Variants in PDE6B observed in about 807,000 individuals in gnomAD.
The protein encoded by PDE6B is phosphodiesterase 6B.
In PDE6B, 106 loss-of-function variants were observed where a neutral mutation model predicts 109.0. That is an observed-to-expected ratio of 0.97 (90% CI 0.83 to 1.14). The LOEUF (loss-of-function observed/expected upper bound fraction) is 1.14. Among genes scored for constraint, PDE6B ranks in the 50% most tolerant of loss-of-function variants. The pLI, the probability that PDE6B is intolerant of heterozygous loss-of-function variation, is 0.00. For synonymous variants in PDE6B, 490 were observed against 471.3 expected (o/e 1.04, Z -0.51); for missense variants, 1,193 against 1,155.6 (o/e 1.03, Z -0.47).
intron 21 of PDE6B, 142 bp downstream of exon 21, chr4:668,148 A>T: frequency 2.5e-6 from 2 of 785,338 alleles, no homozygotes; most frequent in Non-Finnish European, 4.0e-6. Flanking sequence ...GCCACAGTGC[A>T]GGGAGAGAGG....
At chr4:634,332 G>T (rs913328823) in intron 1 of PDE6B, among the ~76,000 whole-genome samples, 1 of 152,192 alleles carries the variant, frequency 6.6e-6, no homozygotes, top group Admixed American at 6.5e-5. Context: ...AGGCGAGCAG[G>T]CAGGCTCAAC....
rs549150896 is a variant in PDE6B, at chr4:626,760, C to G, written c.468+666C>G. Among the ~76,000 whole-genome samples the G allele has an allele frequency of 1.8e-4, 27 of 152,330 alleles. No homozygotes were observed. The highest frequency in any genetic ancestry group is 6.8e-3 in the Middle Eastern group (2 of 294). On this transcript the variant is annotated intron_variant, in intron 1 of 21. Coordinates refer to ENST00000496514, the MANE Select transcript of PDE6B (RefSeq NM_000283.4). The surrounding 1 kb of genome is among the most constrained non-coding windows in gnomAD (Gnocchi z 4.6). Reference sequence around the variant, plus strand: ...GAAGGAGGGAAGGGCAGGGCCTGTTCATGCAAAGCCTGGGCTAGGGCAGAC... The same window carrying G: ...GAAGGAGGGAAGGGCAGGGCCTGTTGATGCAAAGCCTGGGCTAGGGCAGAC...
Position 664,653 on chromosome 4 carries a change from C to T in PDE6B, c.2130-228C>T, listed in dbSNP as rs1454421802. ...CAACATGGTGAAACCCCGTCTCTAC[C>T]GAAAATACAAAAATTAGCCGGGCGT... On this transcript the variant is annotated intron_variant, in intron 17 of 21. Transcript: ENST00000496514. 8.5e-5 allele frequency among the ~76,000 whole-genome samples: 13 copies of T among 152,090 alleles called. No homozygotes were observed. The South Asian group carries it at 1.7e-3, about 19-fold the overall frequency.
rs937043425 is a variant in PDE6B at position 663,546 on chromosome 4, C to T, written c.1921-224C>T. ...CCCTCCCTGCGCTCCCCGGTGGTGA[C>T]CTCTGAGGCCATCTGCGTCCCAAGC... is the stretch of plus-strand genomic sequence containing the variant. On this transcript the variant is annotated intron_variant, in intron 15 of 21. Transcript: ENST00000496514. This position sits in a 1 kb window ranked among gnomAD's most constrained non-coding sequence, Gnocchi z 4.0. Among the ~76,000 whole-genome samples the T allele has an allele frequency of 1.3e-5, 2 of 152,192 alleles. No individual in the cohort carries two copies. Among genetic ancestry groups the T allele is most frequent in the African/African-American group, 4.8e-5 (2 of 41,456 alleles).
chr4:666,757 G>T lies in PDE6B; in HGVS notation c.2352+143G>T. ...GGGATGCCAGTGCCAGCTTCGTGCC[G>T]CTCTTGAGTGGGGCAAATGGGGAGG... On this transcript the variant is annotated intron_variant, in intron 20 of 21. Coordinates refer to ENST00000496514, the MANE Select transcript of PDE6B (RefSeq NM_000283.4). The surrounding 1 kb of genome is among the most constrained non-coding windows in gnomAD (Gnocchi z 5.6). The T allele has an allele frequency of 1.5e-6, 1 of 688,128 alleles. No homozygotes were observed. The highest frequency in any genetic ancestry group is 2.7e-6 in the Non-Finnish European group (1 of 369,836). The allele number at this position is 688,128 out of a possible 1,614,324, so 42.6% of individuals were successfully genotyped here.
Position 662,755 on chromosome 4 carries a change from C to A in PDE6B, c.1832+137C>A. The stretch of plus-strand genomic sequence containing the variant: ...CCCGTACTCCAGCACTGTGGGAGGC[C>A]AAGGCGAGGGGATTGCTTGAGCCCA... On this transcript the variant is annotated intron_variant, in intron 14 of 21. Transcript: ENST00000496514. The surrounding 1 kb of genome is among the most constrained non-coding windows in gnomAD (Gnocchi z 4.3). The A allele has an allele frequency of 1.4e-6, 1 of 705,368 alleles. No individual in the cohort carries two copies. Among genetic ancestry groups the A allele is most frequent in the Non-Finnish European group, 2.6e-6 (1 of 389,192 alleles). 43.7% of individuals were successfully genotyped at this position (705,368 alleles called of 1,614,324 possible). A position where few individuals can be genotyped will look rare whatever the true frequency, so the allele number is the denominator to read the frequency against.
In PDE6B at chr4:670,656, T is replaced by G. The variant is rs1577318017; in HGVS notation, c.*549T>G. ...AAGGGTCCATGAACTCTGAAATCAC[T>G]GAGAACATTTGCAGCCACACATGTA... On this transcript the variant is annotated 3_prime_UTR_variant, in exon 22 of 22. Coordinates refer to ENST00000496514, the MANE Select transcript of PDE6B (RefSeq NM_000283.4). 5.8e-6 allele frequency: 1 copy of G among 172,300 alleles called. No homozygotes were observed. The highest frequency in any genetic ancestry group is 1.3e-5 in the Non-Finnish European group (1 of 78,896). The allele number at this position is 172,300 out of a possible 1,614,324, so 10.7% of individuals were successfully genotyped here. A position where few individuals can be genotyped will look rare whatever the true frequency, so the allele number is the denominator to read the frequency against.
chr4:631,334 G>A (rs901712150), intron 1 of PDE6B, among the ~76,000 whole-genome samples: 1 of 152,252 alleles, frequency 6.6e-6, no homozygotes, highest in African/African-American at 2.4e-5. Context: ...GGCAAGAGAA[G>A]TGAGGCTGAA....
In PDE6B at chr4:659,557, ATGTGTGCACATGTGGGTGTG is replaced by A. The variant is rs370365135; in HGVS notation, c.1467+558_1467+577del. On this transcript the variant is annotated intron_variant, in intron 11 of 21. Coordinates refer to ENST00000496514, the MANE Select transcript of PDE6B (RefSeq NM_000283.4). ...CGTGGGCGTCTGCACAGGTGTGTACATGTGTGCACATGTGGGTGTGTGTGTGCACATGTGGGTATGTGTGT... is the reference window on the plus strand; with the variant it reads ...CGTGGGCGTCTGCACAGGTGTGTACATGTGTGCACATGTGGGTATGTGTGT... Among the ~76,000 whole-genome samples, 68 of 150,806 alleles carry A rather than the reference ATGTGTGCACATGTGGGTGTG, an allele frequency of 4.5e-4. 1 individual carries two copies. The highest frequency in any genetic ancestry group is 1.4e-3 in the African/African-American group (58 of 40,748).
At chr4:647,743 C>T (rs920242693) in intron 3 of PDE6B, among the ~76,000 whole-genome samples, 1 of 152,006 alleles carries the variant, frequency 6.6e-6, no homozygotes, top group African/African-American at 2.4e-5. Flanking sequence ...ATCTAGTACA[C>T]AGCGGGAACC....
chr4:627,449 A>G (rs1242551918), intron 1 of PDE6B, among the ~76,000 whole-genome samples: 2 of 152,124 alleles, frequency 1.3e-5, no homozygotes, highest in Admixed American at 6.5e-5. Context: ...CCAGGCCGGA[A>G]GTGGCAATCC....
Position 666,445 on chromosome 4 carries a change from C to A in PDE6B, c.2269-86C>A. On this transcript the variant is annotated intron_variant, in intron 19 of 21. Transcript: ENST00000496514. This position sits in a 1 kb window ranked among gnomAD's most constrained non-coding sequence, Gnocchi z 5.6. Reference sequence around the variant, plus strand: ...CCAGGCTGTGTCTCCATGAGCACATCTGAGTGAGGGGGTCGGGGGGCTGGG... The same window carrying A: ...CCAGGCTGTGTCTCCATGAGCACATATGAGTGAGGGGGTCGGGGGGCTGGG... 2 of 862,758 alleles carry A rather than the reference C, an allele frequency of 2.3e-6. No homozygotes were observed. The highest frequency in any genetic ancestry group is 2.0e-6 in the Non-Finnish European group (1 of 500,370). 53.4% of individuals were successfully genotyped at this position (862,758 alleles called of 1,614,324 possible).
At chr4:637,093 G>A (rs1734723695) in intron 3 of PDE6B, among the ~76,000 whole-genome samples, 1 of 152,214 alleles carries the variant, frequency 6.6e-6, no homozygotes, top group Non-Finnish European at 1.5e-5. Context: ...TGTATGCTTA[G>A]GTTATAATTC....
chr4:655,838 C>T (rs1438533449), intron 6 of PDE6B, 102 bp from the exon 7 acceptor site: 53 of 790,526 alleles, frequency 6.7e-5, no homozygotes, highest in Non-Finnish European at 1.1e-4. Context: ...CAGCCTAGAC[C>T]AGCCCCTCTC....
At position 663,043 on chromosome 4, in the gene PDE6B, C is replaced by T. The variant is rs1433322357; in HGVS notation, c.1833-57C>T. On this transcript the variant is annotated intron_variant, in intron 14 of 21. Coordinates refer to ENST00000496514, the MANE Select transcript of PDE6B (RefSeq NM_000283.4). This position sits in a 1 kb window ranked among gnomAD's most constrained non-coding sequence, Gnocchi z 4.0. ...GGGCCCATCTGGGGGGGCTGCAGAGCGCAGGGTGGGCCAAGGGCAGGTCCC... is the reference window on the plus strand; with the variant it reads ...GGGCCCATCTGGGGGGGCTGCAGAGTGCAGGGTGGGCCAAGGGCAGGTCCC... 3.1e-6 allele frequency: 3 copies of T among 966,992 alleles called. No individual in the cohort carries two copies. The African/African-American group carries it at 4.8e-5, about 15-fold the overall frequency. The allele number at this position is 966,992 out of a possible 1,614,324, so 59.9% of individuals were successfully genotyped here.
At position 667,489 on chromosome 4, in the gene PDE6B, G is replaced by A. The variant is rs62296760; in HGVS notation, c.2353-367G>A. Among the ~76,000 whole-genome samples, 7 of 152,224 alleles carry A rather than the reference G, an allele frequency of 4.6e-5. No individual in the cohort carries two copies. In the East Asian group the frequency reaches 9.7e-4, roughly 21 times the overall value. On this transcript the variant is annotated intron_variant, in intron 20 of 21. Transcript: ENST00000496514. ...GTGCTGTGCTTGCATGATGTGTGCC[G>A]TGTGTGTGTGGGAGGGACGGGAGAA...
chr4:653,470 C>A, intron 3 of PDE6B: 1 of 543,386 alleles, frequency 1.8e-6, no homozygotes, highest in Non-Finnish European at 2.9e-6. Context: ...GCCTGACGTG[C>A]GGAAACCACG....
Position 662,659 on chromosome 4 carries a change from A to G in PDE6B, c.1832+41A>G. On this transcript the variant is annotated intron_variant, in intron 14 of 21. Coordinates refer to ENST00000496514, the MANE Select transcript of PDE6B (RefSeq NM_000283.4). This position sits in a 1 kb window ranked among gnomAD's most constrained non-coding sequence, Gnocchi z 4.3. ...CGGGCATGTGAATTAGCCCTAAATC[A>G]ACTCCACGCCCTTGGCGTGAATTAG... 1.6e-6 allele frequency: 2 copies of G among 1,229,964 alleles called. No homozygotes were observed. The highest frequency in any genetic ancestry group is 2.4e-6 in the Non-Finnish European group (2 of 830,046). 76.2% of individuals were successfully genotyped at this position (1,229,964 alleles called of 1,614,324 possible). A position where few individuals can be genotyped will look rare whatever the true frequency, so the allele number is the denominator to read the frequency against.
intron 5 of PDE6B, chr4:654,483 G>A (rs930173870): frequency 1.7e-6 from 1 of 589,288 alleles, no homozygotes; most frequent in African/African-American, 1.8e-5. Flanking sequence ...GTGTGTGTGA[G>A]AGTACGGGCC....
Sources: allele counts gnomAD v4.1 joint callset (sites outside exome capture counted in the v4.1 genomes callset), GRCh38; gene constraint gnomAD v4.1.1; non-coding constraint Gnocchi (gnomAD v3.1); transcripts MANE v1.5; gene names NCBI Gene and HGNC (gene_info 2026-07-23, HGNC 2026-07-21).